Variants in CLVS1 observed in about 807,000 individuals in gnomAD.
The protein encoded by CLVS1 is clavesin-1.
A neutral mutation model predicts 33.1 loss-of-function variants in CLVS1; 10 were observed. The ratio of observed to expected loss-of-function variants is 0.30; its 90% confidence interval spans 0.19 to 0.51. The LOEUF (loss-of-function observed/expected upper bound fraction) is 0.51. Ranked by LOEUF, CLVS1 falls within the 20% of genes least tolerant of loss-of-function variation. CLVS1 has a pLI of 0.97. For missense variants in CLVS1, 343 were observed against 433.4 expected, an observed-to-expected ratio of 0.79 and a Z score of 1.85; for synonymous variants, 163 against 166.1, an observed-to-expected ratio of 0.98 and a Z score of 0.14.
chr8:61,269,136 T>C (rs936785434), intron 2 of CLVS1, among the ~76,000 whole-genome samples: 33 of 148,536 alleles, frequency 2.2e-4, no homozygotes, highest in African/African-American at 7.4e-4. Context: ...TCTTCTAGGG[T>C]TTTTATGGTT....
chr8:61,475,116 G>C (rs1817871162), intron 5 of CLVS1, among the ~76,000 whole-genome samples: 1 of 152,178 alleles, frequency 6.6e-6, no homozygotes. Flanking sequence ...TCCCTACAAA[G>C]GACATGAACT....
chr8:61,210,394 T>A (rs1181045932), intron 2 of CLVS1, among the ~76,000 whole-genome samples: 1 of 152,220 alleles, frequency 6.6e-6, no homozygotes, highest in Non-Finnish European at 1.5e-5. Flanking sequence ...GAAATAAATT[T>A]CTGTCATTGA....
intron 2 of CLVS1, among the ~76,000 whole-genome samples, chr8:61,211,476 C>A (rs915519492): frequency 2.0e-5 from 3 of 151,802 alleles, no homozygotes; most frequent in Non-Finnish European, 4.4e-5. Context: ...TCTGCCTCCC[C>A]CTCTCCTCCT....
intron 2 of CLVS1, among the ~76,000 whole-genome samples, chr8:61,222,624 A>G (rs933333078): frequency 6.6e-6 from 1 of 152,208 alleles, no homozygotes; most frequent in African/African-American, 2.4e-5. Context: ...AGTAAGGGCC[A>G]TGTGGCATGG....
chr8:61,207,056 G>A (rs567003573), intron 2 of CLVS1, among the ~76,000 whole-genome samples: 73 of 152,300 alleles, frequency 4.8e-4, no homozygotes, highest in Middle Eastern at 3.4e-3. Flanking sequence ...AAGAGCTCAC[G>A]AAGCATCTTT....
At chr8:61,133,842 T>G (rs1179119930) in intron 2 of CLVS1, among the ~76,000 whole-genome samples, 2 of 152,106 alleles carry the variant, frequency 1.3e-5, no homozygotes, top group African/African-American at 4.8e-5. Flanking sequence ...TCACGGTTCC[T>G]GGGAAATATG....
chr8:61,190,414 GA>G (rs1288712562), intron 2 of CLVS1, among the ~76,000 whole-genome samples: 1 of 152,118 alleles, frequency 6.6e-6, no homozygotes, highest in East Asian at 1.9e-4. Flanking sequence ...GCCCACAAGA[GA>G]AAGCACAAAA....
chr8:60,982,126 C>G, the CLVS1 span, among the ~76,000 whole-genome samples: 1 of 152,192 alleles, frequency 6.6e-6, no homozygotes, highest in East Asian at 1.9e-4. Flanking sequence ...GAGCAAGGGT[C>G]TGGCCGTAAC....
At chr8:61,378,915 C>A (rs1288801858) in intron 3 of CLVS1, among the ~76,000 whole-genome samples, 1 of 152,194 alleles carries the variant, frequency 6.6e-6, no homozygotes, top group East Asian at 1.9e-4. Flanking sequence ...AAGCAGAGTT[C>A]ATTCCTTTGT....
intron 3 of CLVS1, among the ~76,000 whole-genome samples, chr8:61,418,910 G>A (rs1815545534): frequency 6.6e-6 from 1 of 152,182 alleles, no homozygotes; most frequent in Admixed American, 6.5e-5. Flanking sequence ...TGCCAACAAT[G>A]TGAGGACCCA....
At chr8:61,422,191 AAACTT>A (rs1273761717) in intron 3 of CLVS1, among the ~76,000 whole-genome samples, 1 of 152,186 alleles carries the variant, frequency 6.6e-6, no homozygotes, top group Non-Finnish European at 1.5e-5. Context: ...GCAAGAAAAA[AAACTT>A]AAAGGATCTC....
At chr8:61,470,325 A>G (rs1393247422) in intron 5 of CLVS1, among the ~76,000 whole-genome samples, 1 of 152,228 alleles carries the variant, frequency 6.6e-6, no homozygotes, top group Admixed American at 6.5e-5. Context: ...TTAAAGAATG[A>G]TGTGAAAAAT....
intron 1 of CLVS1, chr8:61,292,091 C>T: frequency 3.4e-6 from 1 of 293,044 alleles, no homozygotes. Flanking sequence ...CATGGACCAC[C>T]CTTTGAGAAG....
At chr8:61,125,598 T>C (rs1219032424) in intron 1 of CLVS1, among the ~76,000 whole-genome samples, 1 of 152,164 alleles carries the variant, frequency 6.6e-6, no homozygotes, top group Non-Finnish European at 1.5e-5. Context: ...AAATGGACTC[T>C]CATACTTGGG....
chr8:61,342,482 A>G (rs1384289911), intron 2 of CLVS1, among the ~76,000 whole-genome samples: 1 of 152,188 alleles, frequency 6.6e-6, no homozygotes, highest in African/African-American at 2.4e-5. Context: ...CTTGCGCGCC[A>G]TTCCGCTTTT....
chr8:60,992,716 C>T, the CLVS1 span, among the ~76,000 whole-genome samples: 1 of 152,052 alleles, frequency 6.6e-6, no homozygotes, highest in Non-Finnish European at 1.5e-5. Flanking sequence ...TGAGTAAACT[C>T]GATTGCTTTT....
intron 3 of CLVS1, among the ~76,000 whole-genome samples, chr8:61,407,083 C>T (rs1275823699): frequency 6.6e-6 from 1 of 152,118 alleles, no homozygotes; most frequent in Non-Finnish European, 1.5e-5. Context: ...CCTAAGGGAT[C>T]ATCTCATGGT....
At chr8:60,976,962 A>G in the CLVS1 span, among the ~76,000 whole-genome samples, 155 of 152,332 alleles carry the variant, frequency 1.0e-3, 4 homozygotes, top group South Asian at 0.031. Context: ...GCAGCTCCCG[A>G]GGGGATTTAA....
At chr8:61,144,187 C>T (rs1180453790) in intron 2 of CLVS1, among the ~76,000 whole-genome samples, 2 of 152,084 alleles carry the variant, frequency 1.3e-5, no homozygotes, top group African/African-American at 2.4e-5. Flanking sequence ...TCTCCTAATG[C>T]TATCCTCCTC....
Sources: allele counts gnomAD v4.1 joint callset (sites outside exome capture counted in the v4.1 genomes callset), GRCh38; gene constraint gnomAD v4.1.1; transcripts MANE v1.5; gene names NCBI Gene and HGNC (gene_info 2026-07-23, HGNC 2026-07-21).